The following TMTC2 variants were observed in gnomAD, a reference collection of about 807,000 sequenced individuals.
TMTC2 encodes transmembrane O-mannosyltransferase targeting cadherins 2.
Under a neutral mutation model 82.4 loss-of-function variants are expected in TMTC2, and 43 were observed. The observed-to-expected ratio is 0.52, with a 90% CI of 0.41 to 0.67. The LOEUF is 0.67. Among genes scored for constraint, TMTC2 ranks in the 30% least tolerant of loss-of-function variants. The probability of loss-of-function intolerance (pLI) is 0.00; values close to 1 mark genes in which losing one functional copy is unlikely to be tolerated. For missense variants in TMTC2, 919 were observed against 1,012.4 expected (o/e 0.91, Z 1.25); for synonymous variants, 408 against 381.9 (o/e 1.07, Z -0.80).
chr12:82,997,217 C>G (rs1320198870), intron 8 of TMTC2, among the ~76,000 whole-genome samples: 1 of 129,348 alleles, frequency 7.7e-6, no homozygotes, highest in Non-Finnish European at 1.6e-5. Context: ...CTCTCTCTCT[C>G]TCTCTATATA....
chr12:82,983,370 G>A (rs1261151634), intron 7 of TMTC2, among the ~76,000 whole-genome samples: 3 of 151,492 alleles, frequency 2.0e-5, no homozygotes, highest in African/African-American at 4.9e-5. Flanking sequence ...TTATCTCAAA[G>A]CTTTACAAAT....
intron 1 of TMTC2, among the ~76,000 whole-genome samples, chr12:82,841,060 A>G (rs1240001088): frequency 6.6e-6 from 1 of 152,164 alleles, no homozygotes; most frequent in African/African-American, 2.4e-5. Context: ...GATTACAGGT[A>G]TGAGCCACTA....
Position 83,018,162 on chromosome 12 carries a change from C to A in TMTC2, c.2071-12636C>A, listed in dbSNP as rs188725271. Among the ~76,000 whole-genome samples, 62 of 152,148 alleles carry A rather than the reference C, an allele frequency of 4.1e-4. 1 individual carries two copies. The East Asian group carries it at 0.011, about 26-fold the overall frequency. ...ACCCTGCCAGTGACAAATGGAGGCA[C>A]TGTGGTTGCCTTCCCATCATCCGCT... is the stretch of plus-strand genomic sequence containing the variant. On this transcript the variant is annotated intron_variant, in intron 8 of 11. Coordinates refer to ENST00000321196, the MANE Select transcript of TMTC2 (RefSeq NM_152588.3).
chr12:82,727,535 A>G (rs1301197205), intron 1 of TMTC2, among the ~76,000 whole-genome samples: 8 of 151,992 alleles, frequency 5.3e-5, no homozygotes, highest in Non-Finnish European at 8.8e-5. Context: ...AGCCTGACCA[A>G]CATGGTGAAA....
intron 11 of TMTC2, among the ~76,000 whole-genome samples, chr12:83,102,796 A>G (rs1429019309): frequency 6.6e-6 from 1 of 152,200 alleles, no homozygotes; most frequent in East Asian, 1.9e-4. Flanking sequence ...TACTCCCAGT[A>G]ACTTAGAACT....
intron 1 of TMTC2, among the ~76,000 whole-genome samples, chr12:82,710,354 TC>T (rs1873564111): frequency 1.3e-5 from 2 of 152,220 alleles, no homozygotes; most frequent in Non-Finnish European, 2.9e-5. Context: ...TGCCTTGTTT[TC>T]TCCAACAAAT....
At chr12:82,761,687 C>T (rs748681204) in intron 1 of TMTC2, among the ~76,000 whole-genome samples, 5 of 152,138 alleles carry the variant, frequency 3.3e-5, no homozygotes, top group Non-Finnish European at 5.9e-5. Context: ...GAAGTGACCT[C>T]TTTATTTCCA....
chr12:82,697,129 A>C (rs1340134835), intron 1 of TMTC2, among the ~76,000 whole-genome samples: 1 of 151,730 alleles, frequency 6.6e-6, no homozygotes, highest in Non-Finnish European at 1.5e-5. Context: ...GTGGATCATG[A>C]GGTCAGGAGA....
At chr12:83,063,185 C>A (rs898345908) in intron 11 of TMTC2, among the ~76,000 whole-genome samples, 1 of 151,662 alleles carries the variant, frequency 6.6e-6, no homozygotes, top group South Asian at 2.1e-4. Context: ...TGTTCTTCTT[C>A]TCTTTTTCCC....
At chr12:82,880,583 T>C (rs1408729584) in intron 2 of TMTC2, among the ~76,000 whole-genome samples, 1 of 152,198 alleles carries the variant, frequency 6.6e-6, no homozygotes, top group African/African-American at 2.4e-5. Context: ...TCCCCTTTGC[T>C]TAATCCGAAT....
intron 1 of TMTC2, among the ~76,000 whole-genome samples, chr12:82,749,157 C>G (rs1875845077): frequency 6.6e-6 from 1 of 152,198 alleles, no homozygotes; most frequent in South Asian, 2.1e-4. Flanking sequence ...ACCTCTTTGA[C>G]GGTGGCTCAG....
At chr12:82,729,920 G>T (rs949282829) in intron 1 of TMTC2, among the ~76,000 whole-genome samples, 2 of 152,092 alleles carry the variant, frequency 1.3e-5, no homozygotes, top group Non-Finnish European at 2.9e-5. Flanking sequence ...CTGGGAGAAA[G>T]GAACAACTCC....
chr12:82,716,608 T>C (rs1347545583), intron 1 of TMTC2, among the ~76,000 whole-genome samples: 5 of 152,092 alleles, frequency 3.3e-5, no homozygotes, highest in African/African-American at 9.7e-5. Context: ...GTGATCCGCC[T>C]GTCTCGGCCT....
At chr12:82,802,804 G>T (rs1277794208) in intron 1 of TMTC2, among the ~76,000 whole-genome samples, 2 of 152,104 alleles carry the variant, frequency 1.3e-5, no homozygotes, top group African/African-American at 4.8e-5. Flanking sequence ...CTTTGTGGTA[G>T]AAAATTAGGA....
chr12:82,948,653 C>T (rs563095930), intron 4 of TMTC2, among the ~76,000 whole-genome samples: 95 of 152,258 alleles, frequency 6.2e-4, no homozygotes, highest in Admixed American at 2.0e-3. Context: ...TAGTGCACTG[C>T]TGTTAAGGGA....
intron 8 of TMTC2, among the ~76,000 whole-genome samples, chr12:83,006,749 T>C (rs1880222556): frequency 6.6e-6 from 1 of 152,182 alleles, no homozygotes; most frequent in South Asian, 2.1e-4. Flanking sequence ...GTGGCACATA[T>C]ATACCATGGA....
intron 1 of TMTC2, among the ~76,000 whole-genome samples, chr12:82,761,666 C>T (rs960644246): frequency 3.9e-5 from 6 of 152,128 alleles, no homozygotes; most frequent in East Asian, 3.9e-4. Flanking sequence ...ACCCCGGAAC[C>T]CTGCTTGGCA....
chr12:82,719,251 A>C (rs1270594739), intron 1 of TMTC2, among the ~76,000 whole-genome samples: 1 of 150,544 alleles, frequency 6.6e-6, no homozygotes, highest in Non-Finnish European at 1.5e-5. Context: ...ACACCACCAC[A>C]CCCGGCTAAT....
chr12:82,794,688 C>G (rs1318448860), intron 1 of TMTC2, among the ~76,000 whole-genome samples: 2 of 152,120 alleles, frequency 1.3e-5, no homozygotes, highest in Admixed American at 6.6e-5. Flanking sequence ...TTAACCACAT[C>G]TTGAAAGTAT....
Sources: gnomAD v4.1 joint callset for allele counts (sites outside exome capture counted in the v4.1 genomes callset) on GRCh38, gnomAD v4.1.1 for gene constraint, MANE v1.5 for transcripts, NCBI Gene and HGNC (gene_info 2026-07-23, HGNC 2026-07-21) for gene names.